SAMSN1: variants seen among roughly 807,000 people sequenced by gnomAD.
The protein encoded by SAMSN1 is SAM domain-containing protein SAMSN-1.
A neutral mutation model predicts 42.0 loss-of-function variants in SAMSN1; 31 were observed. The ratio of observed to expected loss-of-function variants is 0.74; its 90% CI spans 0.55 to 1.00. SAMSN1 has a LOEUF of 1.00. Among genes scored for constraint, SAMSN1 ranks in the 50% least tolerant of loss-of-function variants. SAMSN1 has a pLI of 0.00. For synonymous variants in SAMSN1, 178 were observed against 151.9 expected, an observed-to-expected ratio of 1.17 and a Z score of -1.26; for missense variants, 464 against 439.4, an observed-to-expected ratio of 1.06 and a Z score of -0.50.
chr21:14,641,949 C>T (rs1983608686), intron 2 of SAMSN1, among the ~76,000 whole-genome samples: 1 of 152,090 alleles, frequency 6.6e-6, no homozygotes. Context: ...AATCGATACA[C>T]ATGTTGTATG....
At chr21:14,629,122 C>T (rs187436324) in intron 2 of SAMSN1, among the ~76,000 whole-genome samples, 6 of 152,184 alleles carry the variant, frequency 3.9e-5, no homozygotes, top group Admixed American at 2.6e-4. Flanking sequence ...CACTATTAGC[C>T]AGAAGGGAGA....
chr21:14,638,290 CA>C (rs1302960940), intron 2 of SAMSN1, among the ~76,000 whole-genome samples: 1 of 152,104 alleles, frequency 6.6e-6, no homozygotes, highest in Admixed American at 6.6e-5. Context: ...ATCATCATTA[CA>C]AAATTATTAA....
At chr21:14,647,331 T>C (rs1393813759) in intron 1 of SAMSN1, among the ~76,000 whole-genome samples, 1 of 151,164 alleles carries the variant, frequency 6.6e-6, no homozygotes, top group Non-Finnish European at 1.5e-5. Context: ...CTCTGTTCTG[T>C]TCCATTGATC....
At chr21:14,540,673 A>C (rs1400815661) in intron 1 of SAMSN1, among the ~76,000 whole-genome samples, 1 of 152,250 alleles carries the variant, frequency 6.6e-6, no homozygotes, top group East Asian at 1.9e-4. Context: ...GAACACATTT[A>C]CACTGTTGGT....
At chr21:14,515,745 T>C (rs1464959206) in intron 3 of SAMSN1, among the ~76,000 whole-genome samples, 1 of 152,090 alleles carries the variant, frequency 6.6e-6, no homozygotes, top group East Asian at 1.9e-4. Flanking sequence ...ATGTCATATA[T>C]CTGATAAAAA....
rs569614126 is a variant in SAMSN1, at chr21:14,512,024, C to T, written c.409+420G>A. Reference sequence around the variant, plus strand: ...GTCGGGGGAGAAAGAATGAGGGGGACGCAGGGAAGAGGAAGGGAGAAAGAA... The same window carrying T: ...GTCGGGGGAGAAAGAATGAGGGGGATGCAGGGAAGAGGAAGGGAGAAAGAA... On this transcript the variant is annotated intron_variant, in intron 4 of 7. Transcript: ENST00000400566. Among the ~76,000 whole-genome samples the T allele has an allele frequency of 5.9e-5, 9 of 151,480 alleles. 1 individual carries two copies. The highest frequency in any genetic ancestry group is 1.9e-4 in the East Asian group (1 of 5,154).
At chr21:14,643,718 G>A (rs974714382) in intron 1 of SAMSN1, among the ~76,000 whole-genome samples, 1 of 152,146 alleles carries the variant, frequency 6.6e-6, no homozygotes, top group Non-Finnish European at 1.5e-5. Context: ...CAAAATTCAG[G>A]TGAGCACTCA....
At chr21:14,561,180 G>T (rs1048215892) in intron 2 of SAMSN1, among the ~76,000 whole-genome samples, 2 of 151,926 alleles carry the variant, frequency 1.3e-5, no homozygotes, top group African/African-American at 4.8e-5. Flanking sequence ...TGACTCAACT[G>T]GTCATGTGGC....
intron 6 of SAMSN1, among the ~76,000 whole-genome samples, chr21:14,599,624 C>T (rs562103588): frequency 1.3e-5 from 2 of 152,092 alleles, no homozygotes; most frequent in Non-Finnish European, 1.5e-5. Context: ...TGAGTTCTCA[C>T]TCTATTAGTT....
chr21:14,615,887 AAGTAC>A, intron 3 of SAMSN1: 8 of 342,430 alleles, frequency 2.3e-5, no homozygotes, highest in East Asian at 1.8e-4. Context: ...AAAAAAAAAA[AAGTAC>A]TTTGGCACGA....
chr21:14,654,188 A>C (rs574655474), intron 1 of SAMSN1, among the ~76,000 whole-genome samples: 2 of 152,084 alleles, frequency 1.3e-5, no homozygotes, highest in Admixed American at 6.6e-5. Context: ...GACAGTATAC[A>C]CTTAGCATAT....
At chr21:14,581,837 T>G (rs1981741998) in intron 2 of SAMSN1, among the ~76,000 whole-genome samples, 1 of 152,162 alleles carries the variant, frequency 6.6e-6, no homozygotes, top group Non-Finnish European at 1.5e-5. Context: ...TTGCAATAAT[T>G]TAGACAGTTC....
intron 1 of SAMSN1, among the ~76,000 whole-genome samples, chr21:14,654,594 G>T (rs1345339888): frequency 6.6e-6 from 1 of 151,958 alleles, no homozygotes; most frequent in Non-Finnish European, 1.5e-5. Context: ...GCTGAAAAAA[G>T]CTTCTGCCAA....
chr21:14,622,491 C>A (rs1329996315), intron 2 of SAMSN1, among the ~76,000 whole-genome samples: 3 of 151,986 alleles, frequency 2.0e-5, no homozygotes, highest in Non-Finnish European at 4.4e-5. Flanking sequence ...GTTTCAGTAG[C>A]CAATTCAATC....
At chr21:14,530,299 A>C (rs1232131050) in intron 1 of SAMSN1, among the ~76,000 whole-genome samples, 1 of 143,904 alleles carries the variant, frequency 6.9e-6, no homozygotes, top group African/African-American at 2.5e-5. Context: ...CCTGGGCAAC[A>C]GAGCGAGACT....
rs530014558 is a variant in SAMSN1, at chr21:14,642,448, A to G, written c.156+554T>C. Among the ~76,000 whole-genome samples the G allele has an allele frequency of 2.6e-5, 4 of 152,246 alleles. No individual in the cohort carries two copies. The South Asian group carries it at 8.3e-4, about 32-fold the overall frequency. The stretch of plus-strand genomic sequence containing the variant: ...TAGAGCATAAACTTTGAAAGCAGCC[A>G]GTGATGTGTCAGAATCAGCACTTGA... On this transcript the variant is annotated intron_variant, in intron 2 of 15. Coordinates refer to the SAMSN1 transcript ENST00000647101.
rs1485969155 is a variant in SAMSN1, at chr21:14,594,041, CTT to C, written c.435_436del (p.Arg146ThrfsTer3). The stretch of plus-strand genomic sequence containing the variant: ...TTCATCAACAGTGGTCTCAACATGT[CTT>C]TGATAGTGAAATGGACTCCAACATT... On this transcript the variant is annotated frameshift_variant, in exon 7 of 16. Transcript: ENST00000647101. LOFTEE classifies it high-confidence loss of function. The C allele has an allele frequency of 1.4e-6, 1 of 715,606 alleles. No individual in the cohort carries two copies. The highest frequency in any genetic ancestry group is 2.6e-6 in the Non-Finnish European group (1 of 383,992). 44.3% of individuals were successfully genotyped at this position (715,606 alleles called of 1,614,324 possible).
chr21:14,533,858 T>G (rs1383904879), intron 1 of SAMSN1, among the ~76,000 whole-genome samples: 1 of 152,224 alleles, frequency 6.6e-6, no homozygotes, highest in African/African-American at 2.4e-5. Context: ...GTATTAAGAC[T>G]AGAGACATGA....
intron 1 of SAMSN1, among the ~76,000 whole-genome samples, chr21:14,533,982 C>T (rs947572559): frequency 6.6e-6 from 1 of 152,158 alleles, no homozygotes; most frequent in African/African-American, 2.4e-5. Flanking sequence ...CAAATTTCTA[C>T]TCTCCCACCT....
Sources: gnomAD v4.1 joint callset for allele counts (sites outside exome capture counted in the v4.1 genomes callset) on GRCh38, gnomAD v4.1.1 for gene constraint, MANE v1.5 for transcripts, NCBI Gene and HGNC (gene_info 2026-07-23, HGNC 2026-07-21) for gene names.